FNBP1L: variants seen among roughly 807,000 people sequenced by gnomAD.
FNBP1L encodes formin binding protein 1 like.
FNBP1L carries 36 observed loss-of-function variants against 91.2 expected under a neutral mutation model. That is an observed-to-expected ratio of 0.39 (90% CI 0.30 to 0.52). The LOEUF (loss-of-function observed/expected upper bound fraction) is 0.52. Ranked by LOEUF, FNBP1L falls within the 20% of genes least tolerant of loss-of-function variation. The pLI is 0.66. For synonymous variants in FNBP1L, 242 were observed against 237.0 expected (o/e 1.02, Z -0.19); for missense variants, 571 against 732.1 (o/e 0.78, Z 2.54).
intron 2 of FNBP1L, among the ~76,000 whole-genome samples, chr1:93,512,465 A>G (rs1011414476): frequency 6.6e-5 from 10 of 152,078 alleles, no homozygotes; most frequent in Non-Finnish European, 1.2e-4. Context: ...TCAACAGAAT[A>G]TACAATTTTT....
At chr1:93,463,829 A>G (rs1401250191) in intron 1 of FNBP1L, among the ~76,000 whole-genome samples, 1 of 152,160 alleles carries the variant, frequency 6.6e-6, no homozygotes, top group African/African-American at 2.4e-5. Context: ...AGTTTGTTTC[A>G]TACATTTGTA....
rs141503684 is a variant in FNBP1L, at chr1:93,525,382, G to A, written c.405+1059G>A. ...TCTACTATGTAACTACCATTGATGTGATATTCTAATCACCAGTGCTGATTG... is the reference window on the plus strand; with the variant it reads ...TCTACTATGTAACTACCATTGATGTAATATTCTAATCACCAGTGCTGATTG... On this transcript the variant is annotated intron_variant, in intron 5 of 16. Transcript: ENST00000271234. Among the ~76,000 whole-genome samples the A allele has an allele frequency of 1.9e-3, 291 of 152,106 alleles. 2 individuals carry two copies. The highest frequency in any genetic ancestry group is 6.7e-3 in the African/African-American group (280 of 41,518).
intron 1 of FNBP1L, among the ~76,000 whole-genome samples, chr1:93,476,806 A>G (rs1280074481): frequency 6.6e-6 from 1 of 152,204 alleles, no homozygotes; most frequent in Non-Finnish European, 1.5e-5. Flanking sequence ...AATCCATTGT[A>G]GCCAGAGCAA....
intron 16 of FNBP1L, chr1:93,551,781 C>T: frequency 1.0e-6 from 1 of 985,218 alleles, no homozygotes; most frequent in Non-Finnish European, 1.2e-6. Context: ...TGTTTGAGAC[C>T]TCAAAATATT....
chr1:93,456,682 A>AGGC (rs1306162552), intron 1 of FNBP1L, among the ~76,000 whole-genome samples: 2 of 148,234 alleles, frequency 1.3e-5, no homozygotes, highest in African/African-American at 5.0e-5. Context: ...CAGGAGGCTG[A>AGGC]GGCGGGAGGA....
intron 1 of FNBP1L, among the ~76,000 whole-genome samples, chr1:93,487,772 C>G (rs956354366): frequency 2.0e-5 from 3 of 152,302 alleles, no homozygotes; most frequent in Middle Eastern, 3.4e-3. Flanking sequence ...CTGGTCACTC[C>G]TCAGTGTCCT....
intron 11 of FNBP1L, among the ~76,000 whole-genome samples, chr1:93,541,683 CA>C (rs1330408911): frequency 1.3e-5 from 2 of 152,070 alleles, no homozygotes; most frequent in Admixed American, 1.3e-4. Flanking sequence ...GAACTAACCC[CA>C]AAATTATTGT....
chr1:93,481,520 C>T (rs1320109755), intron 1 of FNBP1L, among the ~76,000 whole-genome samples: 1 of 152,126 alleles, frequency 6.6e-6, no homozygotes, highest in Non-Finnish European at 1.5e-5. Context: ...AATAATCAAA[C>T]ATCTTAACTA....
At chr1:93,548,549 A>G (rs1672311598) in intron 14 of FNBP1L, among the ~76,000 whole-genome samples, 1 of 152,132 alleles carries the variant, frequency 6.6e-6, no homozygotes, top group Non-Finnish European at 1.5e-5. Context: ...TGAATACTTT[A>G]CCCATGCTGG....
chr1:93,534,987 A>T, intron 9 of FNBP1L, 79 bp downstream of exon 9: 1 of 1,111,442 alleles, frequency 9.0e-7, no homozygotes, highest in African/African-American at 1.6e-5. Context: ...ATGCAAAATG[A>T]TTTACCATTA....
In FNBP1L at chr1:93,514,324, T is replaced by G. The variant is rs541938297; in HGVS notation, c.141-7758T>G. ...TCGTGGGTAGGAAGAATCAATATCG[T>G]GAAAATGGCCATACTGCCCAAGGTA... is the stretch of plus-strand genomic sequence containing the variant. On this transcript the variant is annotated intron_variant, in intron 2 of 16. Transcript: ENST00000271234. Among the ~76,000 whole-genome samples the G allele has an allele frequency of 3.2e-3, 482 of 151,782 alleles. 4 individuals are homozygous for G. The highest frequency in any genetic ancestry group is 0.011 in the African/African-American group (469 of 41,388).
At chr1:93,464,148 A>C (rs573304459) in intron 1 of FNBP1L, among the ~76,000 whole-genome samples, 6 of 152,328 alleles carry the variant, frequency 3.9e-5, no homozygotes, top group African/African-American at 1.4e-4. Context: ...GTAAAATGCT[A>C]CTGTGCTGTG....
chr1:93,514,338 C>T (rs1264861837), intron 2 of FNBP1L, among the ~76,000 whole-genome samples: 1 of 151,756 alleles, frequency 6.6e-6, no homozygotes, highest in African/African-American at 2.4e-5. Context: ...AATGGCCATA[C>T]TGCCCAAGGT....
chr1:93,458,180 T>C (rs946603881), intron 1 of FNBP1L, among the ~76,000 whole-genome samples: 7 of 152,236 alleles, frequency 4.6e-5, no homozygotes, highest in African/African-American at 1.7e-4. Flanking sequence ...CTGAATGTAA[T>C]TTTAAAATAG....
chr1:93,468,588 G>A (rs149232090), intron 1 of FNBP1L, among the ~76,000 whole-genome samples: 2,846 of 152,050 alleles, frequency 0.019, 37 homozygotes, highest in Non-Finnish European at 0.024. Context: ...GTGCCATGAC[G>A]CCTGGCTAAT....
At chr1:93,524,500 T>A (rs1005461948) in intron 5 of FNBP1L, among the ~76,000 whole-genome samples, 177 bp downstream of exon 5, 1 of 151,794 alleles carries the variant, frequency 6.6e-6, no homozygotes, top group Non-Finnish European at 1.5e-5. Flanking sequence ...GAGGTCATTT[T>A]GTCATTTTTC....
chr1:93,487,198 T>A (rs957025442), intron 1 of FNBP1L, among the ~76,000 whole-genome samples: 1 of 152,228 alleles, frequency 6.6e-6, no homozygotes, highest in Non-Finnish European at 1.5e-5. Context: ...AATAATACAT[T>A]ATTCATTTGG....
In FNBP1L at chr1:93,550,938, C is replaced by T; in HGVS notation, c.1652-9C>T. 1 of 1,529,194 alleles carries T rather than the reference C, an allele frequency of 6.5e-7. No homozygotes were observed. Among genetic ancestry groups the T allele is most frequent in the Non-Finnish European group, 8.8e-7 (1 of 1,135,384 alleles). 94.7% of individuals were successfully genotyped at this position (1,529,194 alleles called of 1,614,324 possible). Reference sequence around the variant, plus strand: ...TGCTTAAATTATGCTTGTGAAAACTCTCATCTAGGACATAATGAAGGTACT... The same window carrying T: ...TGCTTAAATTATGCTTGTGAAAACTTTCATCTAGGACATAATGAAGGTACT... On this transcript the variant is annotated splice_polypyrimidine_tract_variant and intron_variant, in intron 15 of 16. Transcript: ENST00000271234.
intron 1 of FNBP1L, among the ~76,000 whole-genome samples, chr1:93,460,959 A>G (rs984274027): frequency 1.3e-5 from 2 of 152,314 alleles, no homozygotes; most frequent in African/African-American, 4.8e-5. Context: ...TAAAAATAAA[A>G]ATAGGTTTTT....
Sources: gnomAD v4.1 joint callset for allele counts (sites outside exome capture counted in the v4.1 genomes callset) on GRCh38, gnomAD v4.1.1 for gene constraint, MANE v1.5 for transcripts, NCBI Gene and HGNC (gene_info 2026-07-23, HGNC 2026-07-21) for gene names.